The following FNTA variants were observed in gnomAD, a reference collection of about 807,000 sequenced individuals.
FNTA encodes protein farnesyltransferase/geranylgeranyltransferase type-1 subunit alpha.
Under a neutral mutation model 55.2 loss-of-function variants are expected in FNTA, and 27 were observed. The ratio of observed to expected loss-of-function variants is 0.49; its 90% CI spans 0.36 to 0.67. FNTA has a LOEUF of 0.67. Ranked by LOEUF, FNTA falls within the 30% of genes least tolerant of loss-of-function variation. The probability of loss-of-function intolerance (pLI) is 0.00; values close to 1 mark genes in which losing one functional copy is unlikely to be tolerated. For missense variants in FNTA, 422 were observed against 464.7 expected (o/e 0.91, Z 0.85); for synonymous variants, 176 against 170.7 (o/e 1.03, Z -0.24).
At chr8:43,076,635 T>A (rs1275339952) in intron 5 of FNTA, 1 of 152,226 alleles carries the variant, frequency 6.6e-6, no homozygotes, top group East Asian at 1.9e-4. Flanking sequence ...CCCAGCACTT[T>A]AGGAGCCCGA....
At chr8:43,058,336 C>T (rs1447335155) in intron 1 of FNTA, among the ~76,000 whole-genome samples, 1 of 152,138 alleles carries the variant, frequency 6.6e-6, no homozygotes, top group African/African-American at 2.4e-5. Flanking sequence ...TGATCACCTG[C>T]GCCACCTCTT....
intron 1 of FNTA, among the ~76,000 whole-genome samples, chr8:43,058,620 A>G (rs1810465263): frequency 6.6e-6 from 1 of 152,036 alleles, no homozygotes; most frequent in Non-Finnish European, 1.5e-5. Context: ...AAATACAAAA[A>G]TTAGCTGGGC....
chr8:43,066,850 T>C (rs1213980743), intron 3 of FNTA, among the ~76,000 whole-genome samples: 1 of 152,062 alleles, frequency 6.6e-6, no homozygotes, highest in Admixed American at 6.6e-5. Flanking sequence ...ATTTAAGTCT[T>C]TTCTCTTGGA....
intron 2 of FNTA, among the ~76,000 whole-genome samples, chr8:43,060,304 T>C (rs531874843): frequency 9.8e-5 from 15 of 152,338 alleles, no homozygotes; most frequent in Non-Finnish European, 1.8e-4. Flanking sequence ...TAAGTACTTA[T>C]AACAGAGATG....
intron 5 of FNTA, among the ~76,000 whole-genome samples, chr8:43,073,141 A>G (rs1810833593): frequency 6.6e-6 from 1 of 152,206 alleles, no homozygotes; most frequent in Non-Finnish European, 1.5e-5. Context: ...GACCAAGAGC[A>G]TTTCACCAAA....
intron 6 of FNTA, chr8:43,078,274 C>T (rs1163371497): frequency 6.6e-6 from 1 of 152,066 alleles, no homozygotes; most frequent in Non-Finnish European, 1.5e-5. Context: ...TTTTCTAGTG[C>T]TCTCCTATAT....
chr8:43,077,111 C>A, intron 5 of FNTA, 105 bp from the exon 6 acceptor site: 1 of 686,658 alleles, frequency 1.5e-6, no homozygotes, highest in Non-Finnish European at 2.3e-6. Flanking sequence ...TGTGATAAAT[C>A]CTGTGTCCTC....
chr8:43,071,205 T>A (rs1023852166), intron 4 of FNTA, among the ~76,000 whole-genome samples: 1 of 152,134 alleles, frequency 6.6e-6, no homozygotes. Context: ...TACCATACAA[T>A]TCCCCCATTC....
intron 8 of FNTA, 72 bp downstream of exon 8, chr8:43,084,953 A>G (rs1811097480): frequency 1.4e-6 from 2 of 1,419,982 alleles, no homozygotes; most frequent in South Asian, 1.2e-5. Flanking sequence ...ACTAATATCC[A>G]TGTCCCCTTT....
intron 3 of FNTA, among the ~76,000 whole-genome samples, chr8:43,064,951 C>G (rs1214978371): frequency 6.6e-6 from 1 of 151,590 alleles, no homozygotes; most frequent in Non-Finnish European, 1.5e-5. Context: ...ATTTTCCTGC[C>G]TCAGCCTCCC....
At chr8:43,077,410 A>T in intron 6 of FNTA, 46 bp downstream of exon 6, 2 of 1,507,102 alleles carry the variant, frequency 1.3e-6, no homozygotes, top group Non-Finnish European at 1.8e-6. Flanking sequence ...ACATGTTTGC[A>T]TGCCTACCAT....
chr8:43,061,834 C>T (rs1226558566), intron 2 of FNTA, among the ~76,000 whole-genome samples: 14 of 152,014 alleles, frequency 9.2e-5, no homozygotes, highest in Non-Finnish European at 2.1e-4. Flanking sequence ...ATTCTCCTGC[C>T]TCAGCCGCCC....
intron 7 of FNTA, 59 bp from the exon 8 acceptor site, chr8:43,084,651 C>T: frequency 7.4e-7 from 1 of 1,342,924 alleles, no homozygotes; most frequent in African/African-American, 1.5e-5. Flanking sequence ...CTTGATCTTT[C>T]TACTGCTTTT....
chr8:43,079,784 C>G (rs983570389), intron 6 of FNTA: 1 of 152,220 alleles, frequency 6.6e-6, no homozygotes, highest in Non-Finnish European at 1.5e-5. Flanking sequence ...GAAGAATTTA[C>G]CATTCTAGGT....
chr8:43,063,948 G>T (rs983036250), intron 2 of FNTA, among the ~76,000 whole-genome samples, 153 bp from the exon 3 acceptor site: 2 of 152,204 alleles, frequency 1.3e-5, no homozygotes, highest in Admixed American at 6.5e-5. Context: ...GGCATTATTA[G>T]GGTGGCGGCC....
chr8:43,064,302 T>A (rs1810604189), intron 3 of FNTA, 87 bp downstream of exon 3: 1 of 834,192 alleles, frequency 1.2e-6, no homozygotes, highest in Non-Finnish European at 2.0e-6. Flanking sequence ...TTAATTTTTT[T>A]AAACTGTACT....
chr8:43,067,538 A>C (rs954971336), intron 3 of FNTA, among the ~76,000 whole-genome samples: 1 of 152,064 alleles, frequency 6.6e-6, no homozygotes, highest in Admixed American at 6.6e-5. Context: ...CTGACAGTAC[A>C]CTTAAAAGAT....
chr8:43,065,756 C>T (rs1810642914), intron 3 of FNTA, among the ~76,000 whole-genome samples: 1 of 151,284 alleles, frequency 6.6e-6, no homozygotes, highest in Non-Finnish European at 1.5e-5. Context: ...TGTTAGATCC[C>T]CTGTGTCCTA....
At chr8:43,073,434 G>A (rs980500964) in intron 5 of FNTA, 2 of 152,164 alleles carry the variant, frequency 1.3e-5, no homozygotes, top group Non-Finnish European at 2.9e-5. Flanking sequence ...TGTAGCTTAT[G>A]CATTTCTATT....
Sources: allele counts gnomAD v4.1 joint callset (sites outside exome capture counted in the v4.1 genomes callset), GRCh38; gene constraint gnomAD v4.1.1; transcripts MANE v1.5; gene names NCBI Gene and HGNC (gene_info 2026-07-23, HGNC 2026-07-21).